HTR1F: variants seen among roughly 807,000 people sequenced by gnomAD.
HTR1F encodes 5-hydroxytryptamine receptor 1F.
HTR1F carries 17 observed loss-of-function variants against 24.0 expected under a neutral mutation model. The observed-to-expected ratio is 0.71, with a 90% confidence interval of 0.48 to 1.06. HTR1F has a LOEUF of 1.06. HTR1F is among the 50% of genes least tolerant of loss of function. The pLI is 0.00. For missense variants in HTR1F, 391 were observed against 427.8 expected (o/e 0.91, Z 0.76); for synonymous variants, 186 against 156.8 (o/e 1.19, Z -1.39).
intron 2 of HTR1F, among the ~76,000 whole-genome samples, chr3:87,971,901 T>C (rs1386950548): frequency 1.3e-5 from 2 of 152,238 alleles, no homozygotes; most frequent in Non-Finnish European, 2.9e-5. Flanking sequence ...GATATACATA[T>C]TCATTTCTAC....
At chr3:87,816,694 A>C (rs1704256489) in intron 1 of HTR1F, among the ~76,000 whole-genome samples, 1 of 152,108 alleles carries the variant, frequency 6.6e-6, no homozygotes, top group Non-Finnish European at 1.5e-5. Context: ...TGTCTAAAAA[A>C]TATCTCCCCC....
intron 2 of HTR1F, among the ~76,000 whole-genome samples, chr3:87,944,345 T>C (rs937379838): frequency 5.3e-5 from 8 of 152,204 alleles, no homozygotes; most frequent in African/African-American, 1.7e-4. Context: ...TAGTCTTTTT[T>C]GATTCTGTAA....
At chr3:87,820,482 C>T (rs1704338993) in intron 1 of HTR1F, among the ~76,000 whole-genome samples, 1 of 151,964 alleles carries the variant, frequency 6.6e-6, no homozygotes, top group Non-Finnish European at 1.5e-5. Context: ...GGCTCATGAC[C>T]CATTTTAACA....
At chr3:87,967,122 C>T (rs1705181926) in intron 2 of HTR1F, among the ~76,000 whole-genome samples, 1 of 152,072 alleles carries the variant, frequency 6.6e-6, no homozygotes. Flanking sequence ...ATTTGTTTAA[C>T]TCTTTTGCTT....
rs2919238 is a variant in HTR1F, at chr3:87,846,349, T to A, written c.-43+24225T>A. Among the ~76,000 whole-genome samples the A allele has an allele frequency of 5.3e-5, 8 of 151,404 alleles. No individual in the cohort carries two copies. In the East Asian group the frequency reaches 1.4e-3, roughly 26 times the overall value. ...CTTCGGAGGCTGAGGCAGCAGAATC[T>A]TTTGAACCTGGGAGGCAGAGGTTGT... On this transcript the variant is annotated intron_variant, in intron 2 of 2. Transcript: ENST00000319595.
At chr3:87,809,297 A>C (rs1185100584) in intron 1 of HTR1F, among the ~76,000 whole-genome samples, 1 of 151,932 alleles carries the variant, frequency 6.6e-6, no homozygotes, top group African/African-American at 2.4e-5. Context: ...CATTTGAATT[A>C]TTATAAATCA....
At chr3:87,986,955 A>C (rs544327967) in intron 2 of HTR1F, among the ~76,000 whole-genome samples, 127 of 151,944 alleles carry the variant, frequency 8.4e-4, no homozygotes, top group African/African-American at 2.9e-3. Flanking sequence ...AAATATAGAA[A>C]ATTAGCCGGG....
intron 2 of HTR1F, among the ~76,000 whole-genome samples, chr3:87,835,803 A>AT (rs949832313): frequency 6.6e-6 from 1 of 152,148 alleles, no homozygotes; most frequent in Non-Finnish European, 1.5e-5. Context: ...ATTTAGAGCC[A>AT]TTTTTGTTCT....
chr3:87,908,428 T>C (rs1703710474), intron 2 of HTR1F, among the ~76,000 whole-genome samples: 1 of 152,042 alleles, frequency 6.6e-6, no homozygotes, highest in Non-Finnish European at 1.5e-5. Context: ...GAGATTCTGA[T>C]GTGTTTTCTT....
At chr3:87,879,431 C>T (rs1705740358) in intron 2 of HTR1F, among the ~76,000 whole-genome samples, 1 of 152,142 alleles carries the variant, frequency 6.6e-6, no homozygotes, top group Non-Finnish European at 1.5e-5. Context: ...CATAACTTTA[C>T]AGAGGTTCCT....
intron 2 of HTR1F, among the ~76,000 whole-genome samples, chr3:87,889,187 T>C (rs1298713791): frequency 6.6e-6 from 1 of 152,068 alleles, no homozygotes; most frequent in Non-Finnish European, 1.5e-5. Flanking sequence ...CAGCCTGATG[T>C]CCTCATCAGA....
intron 2 of HTR1F, among the ~76,000 whole-genome samples, chr3:87,895,817 C>A (rs1706185265): frequency 6.6e-6 from 1 of 152,090 alleles, no homozygotes; most frequent in South Asian, 2.1e-4. Context: ...TTTTTGACAT[C>A]TTTCTAATCG....
intron 2 of HTR1F, among the ~76,000 whole-genome samples, chr3:87,863,707 A>G (rs1340411135): frequency 6.6e-6 from 1 of 152,162 alleles, no homozygotes; most frequent in African/African-American, 2.4e-5. Flanking sequence ...ATATTGCCCA[A>G]TTCCAAGGCC....
intron 2 of HTR1F, among the ~76,000 whole-genome samples, chr3:87,873,523 C>T (rs1208719171): frequency 6.6e-6 from 1 of 152,160 alleles, no homozygotes; most frequent in Non-Finnish European, 1.5e-5. Flanking sequence ...GCAATCATCT[C>T]TACTCAGGCT....
chr3:87,793,250 G>A (rs1703846867), intron 1 of HTR1F: 1 of 152,176 alleles, frequency 6.6e-6, no homozygotes, highest in South Asian at 2.1e-4. Context: ...ACGGGGCACG[G>A]GCCAGAATCC....
intron 1 of HTR1F, among the ~76,000 whole-genome samples, chr3:87,811,515 T>C (rs919664553): frequency 7.9e-5 from 12 of 152,170 alleles, no homozygotes; most frequent in African/African-American, 2.9e-4. Flanking sequence ...GAAATGTATA[T>C]AATAGGAAAA....
chr3:87,881,013 A>T (rs1489262299), intron 2 of HTR1F, among the ~76,000 whole-genome samples: 1 of 152,098 alleles, frequency 6.6e-6, no homozygotes, highest in Non-Finnish European at 1.5e-5. Context: ...TGTGAGCGAC[A>T]CAGAATACGG....
At chr3:87,804,847 C>A (rs1302473213) in intron 1 of HTR1F, among the ~76,000 whole-genome samples, 1 of 152,016 alleles carries the variant, frequency 6.6e-6, no homozygotes, top group East Asian at 1.9e-4. Context: ...CAACAGTAAG[C>A]TTGCAACTTT....
chr3:87,969,900 G>A (rs1705250229), intron 2 of HTR1F, among the ~76,000 whole-genome samples: 1 of 152,186 alleles, frequency 6.6e-6, no homozygotes, highest in South Asian at 2.1e-4. Flanking sequence ...CTGTTCTCAT[G>A]GTAGTAAATA....
Sources: gnomAD v4.1 joint callset for allele counts (sites outside exome capture counted in the v4.1 genomes callset) on GRCh38, gnomAD v4.1.1 for gene constraint, MANE v1.5 for transcripts, NCBI Gene and HGNC (gene_info 2026-07-23, HGNC 2026-07-21) for gene names.